ZMYM6: variants seen among roughly 807,000 people sequenced by gnomAD.
ZMYM6 encodes zinc finger MYM-type containing 6.
A neutral mutation model predicts 134.0 loss-of-function variants in ZMYM6; 90 were observed. The ratio of observed to expected loss-of-function variants is 0.67; its 90% CI spans 0.57 to 0.80. The LOEUF (loss-of-function observed/expected upper bound fraction) is 0.80. ZMYM6 is among the 30% of genes least tolerant of loss of function. The pLI is 0.00. For missense variants in ZMYM6, 1,362 were observed against 1,533.9 expected, an observed-to-expected ratio of 0.89 and a Z score of 1.87; for synonymous variants, 481 against 524.1, an observed-to-expected ratio of 0.92 and a Z score of 1.12.
intron 10 of ZMYM6, among the ~76,000 whole-genome samples, chr1:35,009,352 G>A (rs1641043307): frequency 6.6e-6 from 1 of 152,232 alleles, no homozygotes; most frequent in East Asian, 1.9e-4. Flanking sequence ...GATCTGGCTC[G>A]CCTTGGCCTC....
chr1:35,025,243 G>A (rs1307597467), intron 2 of ZMYM6, among the ~76,000 whole-genome samples: 1 of 151,406 alleles, frequency 6.6e-6, no homozygotes, highest in Non-Finnish European at 1.5e-5. Context: ...CAGCACTTTG[G>A]GAGGCCGAGG....
In ZMYM6 at chr1:35,012,561, T is replaced by C. The variant is rs1641105706; in HGVS notation, c.816A>G (p.Pro272=). Residue 272 remains proline (P), a synonymous_variant, in exon 7 of 16, where the codon CCA becomes CCG. Coordinates refer to ENST00000357182, the MANE Select transcript of ZMYM6 (RefSeq NM_007167.4). ...AYKQNSAQIP[P]YALGKSLRPS... is the part of the protein sequence containing the mutation. Reference sequence around the variant, plus strand: ...GCCTCAATGACTTCCCCAGGGCATATGGAGGAATTTGGGCAGAATTCTATT... The same window carrying C: ...GCCTCAATGACTTCCCCAGGGCATACGGAGGAATTTGGGCAGAATTCTATT... 2 of 1,613,482 alleles carry C rather than the reference T, an allele frequency of 1.2e-6. No homozygotes were observed. Among genetic ancestry groups the C allele is most frequent in the East Asian group, 2.2e-5 (1 of 44,800 alleles).
chr1:35,026,886 G>C (rs1473650922), intron 2 of ZMYM6, among the ~76,000 whole-genome samples: 1 of 152,170 alleles, frequency 6.6e-6, no homozygotes, highest in African/African-American at 2.4e-5. Context: ...TGACTTCAGA[G>C]AGACTGCAGT....
intron 2 of ZMYM6, among the ~76,000 whole-genome samples, chr1:35,023,319 C>T (rs1314386495): frequency 6.6e-6 from 1 of 152,010 alleles, no homozygotes; most frequent in South Asian, 2.1e-4. Context: ...GTTGGTCAGG[C>T]TGGTCTCGAA....
chr1:34,999,865 C>T (rs1366967702), intron 14 of ZMYM6, among the ~76,000 whole-genome samples: 1 of 151,650 alleles, frequency 6.6e-6, no homozygotes, highest in Non-Finnish European at 1.5e-5. Flanking sequence ...TTCTACTCTC[C>T]CATTTCTACA....
chr1:35,017,756 T>C (rs1172968912), intron 4 of ZMYM6: 8 of 152,268 alleles, frequency 5.3e-5, no homozygotes, highest in Non-Finnish European at 7.4e-5. Context: ...CTTTGAAAAT[T>C]TGTAAAAATC....
rs1307073801 is a variant in ZMYM6 at position 35,014,834 on chromosome 1, A to G, written c.658T>C (p.Cys220Arg). ...TTTGTAGAGTGAAATTTTGAAAAACAGGCATCACTACAAAGACCATGTACC... is the reference window on the plus strand; with the variant it reads ...TTTGTAGAGTGAAATTTTGAAAAACGGGCATCACTACAAAGACCATGTACC... ...NVVHGLCSDACFSKFHSTNNL... is the reference protein window; with the variant it reads ...NVVHGLCSDARFSKFHSTNNL... The change falls in exon 6 of 16, where the codon TGT (cysteine) becomes CGT (arginine). Residue 220 changes from cysteine to arginine, a missense_variant. Coordinates refer to ENST00000357182, the MANE Select transcript of ZMYM6 (RefSeq NM_007167.4). 1.3e-5 allele frequency: 21 copies of G among 1,614,106 alleles called. No homozygotes were observed. The highest frequency in any genetic ancestry group is 1.7e-5 in the Non-Finnish European group (20 of 1,180,042).
Position 35,015,127 on chromosome 1 carries a change from C to A in ZMYM6, c.464G>T (p.Arg155Leu), listed in dbSNP as rs201643072. 45 of 1,611,078 alleles carry A rather than the reference C, an allele frequency of 2.8e-5. 1 individual carries two copies. The East Asian group carries it at 9.6e-4, about 34-fold the overall frequency. Residue 155 changes from arginine to leucine, a missense_variant, in exon 5 of 16, where the codon CGC becomes CTC. Transcript: ENST00000357182. Reference sequence around the variant, plus strand: ...TTTGCTAGGATAGGAATTCTCAAAGCGAGTTGTGATCACATCCTTAGGATT... The same window carrying A: ...TTTGCTAGGATAGGAATTCTCAAAGAGAGTTGTGATCACATCCTTAGGATT... ...ILNPKDVITT[R>L]FENSYPSKDF...
At chr1:35,020,343 C>A in intron 3 of ZMYM6, 40 bp downstream of exon 3, 1 of 1,530,148 alleles carries the variant, frequency 6.5e-7, no homozygotes, top group Non-Finnish European at 8.9e-7. Context: ...TCAGAATAAG[C>A]AAATTAATTG....
At position 35,012,468 on chromosome 1, in the gene ZMYM6, G is replaced by A. The variant is rs1641104114; in HGVS notation, c.909C>T (p.Cys303=). ...GKTELFCSIN[C]LSAYRVKTVT... ...CAGTCTTAACTCTGTAAGCAGATAA[G>A]CAATTAATAGAGCAGAAAAGCTCTG... Residue 303 remains cysteine (C), a synonymous_variant, in exon 7 of 16, where the codon TGC becomes TGT. Coordinates refer to ENST00000357182, the MANE Select transcript of ZMYM6 (RefSeq NM_007167.4). 2 of 1,608,060 alleles carry A rather than the reference G, an allele frequency of 1.2e-6. No individual in the cohort carries two copies. The highest frequency in any genetic ancestry group is 1.3e-5 in the African/African-American group (1 of 74,704).
Position 35,016,198 on chromosome 1 carries a change from G to A in ZMYM6, c.429-1036C>T, listed in dbSNP as rs112984868. ...ATTCCTGACCTCGCGATCCGCCTGCGTCAGCCTCCCAAAGTGTTGGGATTA... is the reference window on the plus strand; with the variant it reads ...ATTCCTGACCTCGCGATCCGCCTGCATCAGCCTCCCAAAGTGTTGGGATTA... On this transcript the variant is annotated intron_variant, in intron 4 of 15. Coordinates refer to ENST00000357182, the MANE Select transcript of ZMYM6 (RefSeq NM_007167.4). Among the ~76,000 whole-genome samples, 711 of 152,136 alleles carry A rather than the reference G, an allele frequency of 4.7e-3. 7 individuals carry two copies. The highest frequency in any genetic ancestry group is 0.016 in the African/African-American group (670 of 41,512).
chr1:34,988,008 C>G lies in ZMYM6; in HGVS notation c.3074G>C (p.Cys1025Ser). ...TGACTGCAAAAGAATTTTATGTAAA[C>G]ATGGAGACAACTTTTCTGCCACTAA... ...ERLVAEKLSP[C>S]LHKILLQSAQ... is the part of the protein sequence containing the mutation. Residue 1025 changes from cysteine (C) to serine (S), a missense_variant, in exon 16 of 16, where the codon TGT becomes TCT. Around this residue, in one of 3 missense-constraint regions of ZMYM6, gnomAD observed 824 missense variants for 940.9 expected, o/e 0.88. Coordinates refer to ENST00000357182, the MANE Select transcript of ZMYM6 (RefSeq NM_007167.4). 2.6e-6 allele frequency: 4 copies of G among 1,551,374 alleles called. No individual in the cohort carries two copies. Among genetic ancestry groups the G allele is most frequent in the Non-Finnish European group, 3.5e-6 (4 of 1,146,870 alleles).
In ZMYM6 at chr1:34,986,417, CTA is replaced by C. The variant is rs976365918; in HGVS notation, c.*685_*686del. 1.3e-5 allele frequency: 2 copies of C among 152,228 alleles called. No individual in the cohort carries two copies. The highest frequency in any genetic ancestry group is 2.9e-5 in the Non-Finnish European group (2 of 68,078). The allele number at this position is 152,228 out of a possible 1,614,324, so 9.4% of individuals were successfully genotyped here. ...TTATAGTTACCCAAGCTGCTTAGAT[CTA>C]TCTTTTTCCAGCTGGGCACGTTGGC... On this transcript the variant is annotated 3_prime_UTR_variant, in exon 16 of 16. Transcript: ENST00000357182.
intron 15 of ZMYM6, 133 bp downstream of exon 15, chr1:34,992,101 A>G (rs764395859): frequency 2.6e-6 from 3 of 1,148,528 alleles, no homozygotes; most frequent in Non-Finnish European, 3.9e-6. Context: ...AAGTATTCAA[A>G]GCATGTGATC....
chr1:35,013,712 G>C (rs932792543), intron 6 of ZMYM6: 2 of 976,284 alleles, frequency 2.0e-6, no homozygotes, highest in African/African-American at 3.5e-5. Context: ...GTTTGTTTTT[G>C]AGACAGTCTT....
Position 35,005,148 on chromosome 1 carries a change from A to T in ZMYM6, c.1938T>A (p.Thr646=). ...AAGTCATACCTTTTAAAACACTGTT[A>T]GTGTTCCCTGTAGATAAGGTAGCAG... The part of the protein sequence containing the change: ...KIPATLSTGN[T]NSVLKGAVTK... The change falls in exon 13 of 16, where the codon ACT becomes ACA. Residue 646 remains threonine, a synonymous_variant. Transcript: ENST00000357182. 2 of 1,614,148 alleles carry T rather than the reference A, an allele frequency of 1.2e-6. No individual in the cohort carries two copies. Among genetic ancestry groups the T allele is most frequent in the Non-Finnish European group, 1.7e-6 (2 of 1,179,996 alleles).
intron 2 of ZMYM6, among the ~76,000 whole-genome samples, chr1:35,021,466 T>C (rs1222586748): frequency 6.6e-6 from 1 of 151,346 alleles, no homozygotes; most frequent in African/African-American, 2.4e-5. Flanking sequence ...TAAATGAAAT[T>C]AAATCTGGCT....
Position 35,006,638 on chromosome 1 carries a change from T to C in ZMYM6, c.1813+313A>G, listed in dbSNP as rs1480874491. ...TTTTATTTCTGGTTTATTAACTAAA[T>C]AGTATATATCCCTAGTTTAAGTTAT... On this transcript the variant is annotated intron_variant, in intron 12 of 15. Transcript: ENST00000357182. 2.0e-5 allele frequency among the ~76,000 whole-genome samples: 3 copies of C among 152,228 alleles called. No homozygotes were observed. In the East Asian group the frequency reaches 5.8e-4, roughly 29 times the overall value.
chr1:34,988,318 T>C lies in ZMYM6; in HGVS notation c.2764A>G (p.Thr922Ala). The C allele has an allele frequency of 3.2e-6, 5 of 1,551,196 alleles. No individual in the cohort carries two copies. The highest frequency in any genetic ancestry group is 4.4e-6 in the Non-Finnish European group (5 of 1,146,772). ...AAACGAATATAGCACAAAAGAAGTGTGATATTTGAGATTTCTGATGACTCA... is the reference window on the plus strand; with the variant it reads ...AAACGAATATAGCACAAAAGAAGTGCGATATTTGAGATTTCTGATGACTCA... ...IDESSEISNI[T>A]LLLCYIRFID... is the part of the protein sequence containing the mutation. The change falls in exon 16 of 16, where the codon ACA becomes GCA. Residue 922 changes from threonine (T) to alanine (A), a missense_variant. Transcript: ENST00000357182.
Sources: allele counts gnomAD v4.1 joint callset (sites outside exome capture counted in the v4.1 genomes callset), GRCh38; gene constraint gnomAD v4.1.1; regional missense constraint gnomAD v4.1.1; transcripts MANE v1.5; gene names NCBI Gene and HGNC (gene_info 2026-07-23, HGNC 2026-07-21).